ABTB3: variants seen among roughly 807,000 people sequenced by gnomAD.
ABTB3 encodes ankyrin repeat- and BTB/POZ domain-containing protein 3.
the ABTB3 span, among the ~76,000 whole-genome samples, chr12:107,621,417 T>C: frequency 6.6e-6 from 1 of 151,768 alleles, no homozygotes; most frequent in Non-Finnish European, 1.5e-5. Flanking sequence ...CCTAAGAAAC[T>C]GTCTTAGTGA....
chr12:107,566,648 TACACAC>T, the ABTB3 span, among the ~76,000 whole-genome samples: 726 of 136,450 alleles, frequency 5.3e-3, 2 homozygotes, highest in Middle Eastern at 0.019. Context: ...CTAATTTAAA[TACACAC>T]ACACACACAC....
chr12:107,547,273 C>T, the ABTB3 span, among the ~76,000 whole-genome samples: 3 of 152,128 alleles, frequency 2.0e-5, no homozygotes, highest in Non-Finnish European at 4.4e-5. Context: ...ACAACAACAA[C>T]CACAACCCTC....
the ABTB3 span, among the ~76,000 whole-genome samples, chr12:107,602,091 G>A: frequency 6.6e-6 from 1 of 152,162 alleles, no homozygotes; most frequent in Non-Finnish European, 1.5e-5. Context: ...TTGGTCCTTG[G>A]AATCAGAGAC....
the ABTB3 span, among the ~76,000 whole-genome samples, chr12:107,382,222 T>TTGGATGCTTTCGAAGGCCTGCAAGGA: frequency 2.0e-5 from 3 of 152,082 alleles, no homozygotes; most frequent in Non-Finnish European, 4.4e-5. Context: ...AGGAATGAGT[T>TTGGATGCTTTCGAAGGCCTGCAAGGA]TGGATGCTTT....
the ABTB3 span, among the ~76,000 whole-genome samples, chr12:107,533,618 G>C: frequency 6.6e-6 from 1 of 152,092 alleles, no homozygotes; most frequent in African/African-American, 2.4e-5. Context: ...AGAGCACCCA[G>C]ATATATAAAA....
At chr12:107,440,228 A>T in the ABTB3 span, among the ~76,000 whole-genome samples, 1 of 152,154 alleles carries the variant, frequency 6.6e-6, no homozygotes, top group African/African-American at 2.4e-5. Flanking sequence ...AAGGCTTACA[A>T]GGTTCTGTGG....
the ABTB3 span, among the ~76,000 whole-genome samples, chr12:107,404,989 T>A: frequency 1.3e-5 from 2 of 152,278 alleles, no homozygotes; most frequent in South Asian, 4.1e-4. Context: ...AGGCCTCACA[T>A]CGGTGTGAGG....
chr12:107,517,491 T>A, the ABTB3 span, among the ~76,000 whole-genome samples: 2 of 152,250 alleles, frequency 1.3e-5, no homozygotes, highest in African/African-American at 4.8e-5. Flanking sequence ...TGATTCTTCC[T>A]ATCCATGAGC....
At chr12:107,386,875 T>C in the ABTB3 span, among the ~76,000 whole-genome samples, 99 of 148,272 alleles carry the variant, frequency 6.7e-4, 2 homozygotes, top group African/African-American at 2.4e-3. Flanking sequence ...GGCCGAGAAG[T>C]CGAAGGAAAT....
the ABTB3 span, among the ~76,000 whole-genome samples, chr12:107,359,857 T>C: frequency 1.3e-5 from 2 of 152,148 alleles, no homozygotes; most frequent in Non-Finnish European, 1.5e-5. Flanking sequence ...TTGCCTCTGC[T>C]CCTTTCATCG....
chr12:107,573,390 A>T, the ABTB3 span, among the ~76,000 whole-genome samples: 1 of 152,164 alleles, frequency 6.6e-6, no homozygotes, highest in African/African-American at 2.4e-5. Context: ...GGCGGAAAGA[A>T]GGGGAGATTG....
At chr12:107,327,954 A>G in the ABTB3 span, among the ~76,000 whole-genome samples, 1 of 152,200 alleles carries the variant, frequency 6.6e-6, no homozygotes, top group Non-Finnish European at 1.5e-5. Flanking sequence ...TCTCTGATTG[A>G]GGATGATAGA....
At chr12:107,628,433 A>G in the ABTB3 span, among the ~76,000 whole-genome samples, 1 of 152,190 alleles carries the variant, frequency 6.6e-6, no homozygotes. Flanking sequence ...GTGAGCCACC[A>G]CACCTGGCCA....
the ABTB3 span, among the ~76,000 whole-genome samples, chr12:107,418,769 T>C: frequency 5.3e-5 from 8 of 152,348 alleles, no homozygotes; most frequent in South Asian, 1.0e-3. Flanking sequence ...GACTCAGATA[T>C]TCAGTTAGAG....
chr12:107,427,977 C>G, the ABTB3 span, among the ~76,000 whole-genome samples: 1 of 152,182 alleles, frequency 6.6e-6, no homozygotes, highest in Non-Finnish European at 1.5e-5. Context: ...TCAGAATCCC[C>G]CAGAACAGCC....
At chr12:107,593,938 C>G in the ABTB3 span, among the ~76,000 whole-genome samples, 1 of 152,216 alleles carries the variant, frequency 6.6e-6, no homozygotes, top group African/African-American at 2.4e-5. Context: ...TGGTCATATG[C>G]CCATACATAG....
At chr12:107,334,390 T>A in the ABTB3 span, among the ~76,000 whole-genome samples, 5 of 152,010 alleles carry the variant, frequency 3.3e-5, no homozygotes, top group South Asian at 1.0e-3. Flanking sequence ...TGTTGATACG[T>A]TGGGTGTGGG....
chr12:107,613,250 T>C, the ABTB3 span, among the ~76,000 whole-genome samples: 11,945 of 152,140 alleles, frequency 0.079, 1,541 homozygotes, highest in African/African-American at 0.27. Flanking sequence ...AGCCCTCTCT[T>C]TCCACTTAAC....
At chr12:107,433,293 T>A in the ABTB3 span, among the ~76,000 whole-genome samples, 1 of 79,378 alleles carries the variant, frequency 1.3e-5, no homozygotes, top group Non-Finnish European at 2.1e-5. Context: ...CGAGACTCCG[T>A]CTCAAAAAAA....
Sources: gnomAD v4.1 joint callset for allele counts (sites outside exome capture counted in the v4.1 genomes callset) on GRCh38, gnomAD v4.1.1 for gene constraint, MANE v1.5 for transcripts, NCBI Gene and HGNC (gene_info 2026-07-23, HGNC 2026-07-21) for gene names.